MAP3K5: variants seen among roughly 807,000 people sequenced by gnomAD.
MAP3K5 encodes mitogen-activated protein kinase kinase kinase 5.
A neutral mutation model predicts 158.7 loss-of-function variants in MAP3K5; 56 were observed. The ratio of observed to expected loss-of-function variants is 0.35; its 90% CI spans 0.28 to 0.44. The LOEUF (loss-of-function observed/expected upper bound fraction) is 0.44. Ranked by LOEUF, MAP3K5 falls within the 20% of genes least tolerant of loss-of-function variation. The pLI, the probability that MAP3K5 is intolerant of heterozygous loss-of-function variation, is 1.00. For missense variants in MAP3K5, 1,294 were observed against 1,674.8 expected (o/e 0.77, Z 3.97); for synonymous variants, 579 against 601.7 (o/e 0.96, Z 0.55).
intron 19 of MAP3K5, among the ~76,000 whole-genome samples, chr6:136,604,090 G>C (rs1048890833): frequency 6.6e-5 from 10 of 152,230 alleles, no homozygotes; most frequent in Non-Finnish European, 1.5e-4. Context: ...GGGAGGCCAA[G>C]GCAGGCGGAG....
intron 9 of MAP3K5, 75 bp from the exon 10 acceptor site, chr6:136,656,535 C>T (rs1432837730): frequency 1.1e-6 from 1 of 886,506 alleles, no homozygotes; most frequent in East Asian, 2.5e-5. Context: ...CAGTCTAATT[C>T]TGTAAATGTA....
At chr6:136,665,529 A>G (rs1779190546) in intron 8 of MAP3K5, among the ~76,000 whole-genome samples, 1 of 152,094 alleles carries the variant, frequency 6.6e-6, no homozygotes, top group South Asian at 2.1e-4. Context: ...TAATTTTAGT[A>G]GAGACAGGGA....
At chr6:136,704,599 G>A (rs1193616990) in intron 3 of MAP3K5, among the ~76,000 whole-genome samples, 1 of 152,188 alleles carries the variant, frequency 6.6e-6, no homozygotes, top group Non-Finnish European at 1.5e-5. Flanking sequence ...AGGCTGGAAT[G>A]AAGTGGTATG....
chr6:136,711,360 C>A lies in MAP3K5; in HGVS notation c.589-6227G>T, dbSNP rs117978321. On this transcript the variant is annotated intron_variant, in intron 2 of 29. Transcript: ENST00000359015. Reference sequence around the variant, plus strand: ...ACAAGTCATCACGCGTCTCATTTCTCTTCTGTAAAGAAAATATCTTCTGGC... The same window carrying A: ...ACAAGTCATCACGCGTCTCATTTCTATTCTGTAAAGAAAATATCTTCTGGC... 2.0e-3 allele frequency among the ~76,000 whole-genome samples: 302 copies of A among 152,188 alleles called. 1 individual carries two copies. Among genetic ancestry groups the A allele is most frequent in the African/African-American group, 6.4e-3 (267 of 41,526 alleles).
chr6:136,656,355 A>G lies in MAP3K5; in HGVS notation c.1632T>C (p.Asp544=). 1 of 1,614,062 alleles carries G rather than the reference A, an allele frequency of 6.2e-7. No homozygotes were observed. Residue 544 remains aspartate, a synonymous_variant, in exon 10 of 30, where the codon GAT becomes GAC. Transcript: ENST00000359015. ...CTGTCTTTGTGGCCTCGACCAGGAA[A>G]TCCATCCAAAAGTCCACAAGTTCTT... ...AKQELVDFWM[D]FLVEATKTDV... is the part of the protein sequence containing the mutation.
chr6:136,743,873 T>C (rs1250985864), intron 1 of MAP3K5, among the ~76,000 whole-genome samples: 5 of 152,098 alleles, frequency 3.3e-5, no homozygotes, highest in Non-Finnish European at 7.4e-5. Flanking sequence ...AAATGAGCCA[T>C]CAAGCCATGA....
chr6:136,588,110 G>T (rs868600638), intron 23 of MAP3K5, among the ~76,000 whole-genome samples: 1 of 152,140 alleles, frequency 6.6e-6, no homozygotes, highest in African/African-American at 2.4e-5. Context: ...GCATTTTAAA[G>T]GTCCACAGGA....
intron 26 of MAP3K5, among the ~76,000 whole-genome samples, chr6:136,563,743 G>T (rs1233509118): frequency 2.0e-5 from 3 of 152,182 alleles, no homozygotes; most frequent in African/African-American, 7.2e-5. Flanking sequence ...ATGAAAAGAG[G>T]TGCTCTAATT....
At chr6:136,734,119 T>C (rs1378925983) in intron 1 of MAP3K5, among the ~76,000 whole-genome samples, 3 of 152,074 alleles carry the variant, frequency 2.0e-5, no homozygotes, top group Non-Finnish European at 4.4e-5. Flanking sequence ...TGCTATACAT[T>C]ATAAATAGAA....
intron 10 of MAP3K5, 198 bp downstream of exon 10, chr6:136,656,109 T>C: frequency 1.8e-6 from 1 of 541,378 alleles, no homozygotes; most frequent in East Asian, 3.2e-5. Context: ...AACATAAAAA[T>C]AGATCTCATT....
intron 1 of MAP3K5, among the ~76,000 whole-genome samples, chr6:136,730,787 A>G (rs983131024): frequency 6.6e-6 from 1 of 151,542 alleles, no homozygotes; most frequent in African/African-American, 2.4e-5. Context: ...AATGTAGATG[A>G]GGTTGTCAAC....
At chr6:136,747,716 A>T (rs1783022253) in intron 1 of MAP3K5, among the ~76,000 whole-genome samples, 1 of 152,162 alleles carries the variant, frequency 6.6e-6, no homozygotes, top group Non-Finnish European at 1.5e-5. Flanking sequence ...GTCAAAAAAG[A>T]GATTCTGATT....
chr6:136,763,973 G>A (rs993401621), intron 1 of MAP3K5, among the ~76,000 whole-genome samples: 13 of 152,078 alleles, frequency 8.5e-5, no homozygotes, highest in Non-Finnish European at 1.3e-4. Flanking sequence ...CACCAGATGC[G>A]CCCCCTTGAC....
intron 1 of MAP3K5, among the ~76,000 whole-genome samples, chr6:136,734,131 T>C (rs1450819509): frequency 6.6e-6 from 1 of 151,968 alleles, no homozygotes; most frequent in African/African-American, 2.4e-5. Context: ...TAAATAGAAA[T>C]GGGGGCTGGG....
intron 3 of MAP3K5, among the ~76,000 whole-genome samples, chr6:136,698,938 T>C (rs1001971120): frequency 1.3e-5 from 2 of 152,200 alleles, no homozygotes; most frequent in East Asian, 3.8e-4. Context: ...TTATTCACCA[T>C]CTTTCAAGGC....
At chr6:136,655,080 A>T (rs1778685686) in intron 10 of MAP3K5, among the ~76,000 whole-genome samples, 1 of 152,132 alleles carries the variant, frequency 6.6e-6, no homozygotes, top group African/African-American at 2.4e-5. Context: ...TCTGTCAAAT[A>T]TTTTTTATAT....
At chr6:136,774,222 C>CTTA (rs1784321330) in intron 1 of MAP3K5, among the ~76,000 whole-genome samples, 1 of 152,086 alleles carries the variant, frequency 6.6e-6, no homozygotes, top group Non-Finnish European at 1.5e-5. Context: ...CTCAAAGAAC[C>CTTA]TTACATAAAC....
chr6:136,757,583 T>A (rs149411141), intron 1 of MAP3K5, among the ~76,000 whole-genome samples: 1,594 of 57,790 alleles, frequency 0.028, 38 homozygotes, highest in African/African-American at 0.073. Context: ...TTATTTATTT[T>A]TTATTTTTTT....
chr6:136,596,875 A>G (rs1775655398), intron 21 of MAP3K5, among the ~76,000 whole-genome samples: 1 of 152,194 alleles, frequency 6.6e-6, no homozygotes, highest in African/African-American at 2.4e-5. Flanking sequence ...GCTCAAGTGT[A>G]ACTATTTCCA....
Sources: allele counts gnomAD v4.1 joint callset (sites outside exome capture counted in the v4.1 genomes callset), GRCh38; gene constraint gnomAD v4.1.1; transcripts MANE v1.5; gene names NCBI Gene and HGNC (gene_info 2026-07-23, HGNC 2026-07-21).